Variants in HDX observed in about 807,000 individuals in gnomAD.
HDX encodes the protein highly divergent homeobox.
Under a neutral mutation model 45.2 loss-of-function variants are expected in HDX, and 19 were observed. That is an observed-to-expected ratio of 0.42 (90% CI 0.29 to 0.62). The LOEUF is 0.62. HDX is among the 20% of genes least tolerant of loss of function. HDX has a pLI of 0.20. For missense variants in HDX, 532 were observed against 493.9 expected (o/e 1.08, Z -0.73); for synonymous variants, 188 against 172.8 (o/e 1.09, Z -0.69).
chrX:84,364,077 G>A (rs1475214630), intron 5 of HDX, among the ~76,000 whole-genome samples: 1 of 111,516 alleles, frequency 9.0e-6, no homozygotes, highest in African/African-American at 3.3e-5. Context: ...CTAAGAGTTT[G>A]GTTCTTTGCT....
intron 1 of HDX, among the ~76,000 whole-genome samples, chrX:84,500,586 C>T (rs1047963469): frequency 2.7e-5 from 3 of 110,263 alleles, no homozygotes; most frequent in Non-Finnish European, 5.7e-5. Context: ...GTAACACTTG[C>T]ATTAGATTAA....
chrX:84,438,414 C>T (rs2039686227), intron 5 of HDX, among the ~76,000 whole-genome samples: 1 of 110,768 alleles, frequency 9.0e-6, no homozygotes, highest in Admixed American at 9.7e-5. Flanking sequence ...AATTTCAACT[C>T]TTATTATAAA....
At chrX:84,458,699 A>C (rs1248532313) in intron 4 of HDX, among the ~76,000 whole-genome samples, 1 of 111,501 alleles carries the variant, frequency 9.0e-6, no homozygotes, top group African/African-American at 3.3e-5. Context: ...ACACATTATT[A>C]ATGCTTATCA....
chrX:84,498,872 A>G (rs1184830803), intron 1 of HDX, among the ~76,000 whole-genome samples: 2 of 106,839 alleles, frequency 1.9e-5, no homozygotes, highest in African/African-American at 6.8e-5. Context: ...CACATCTCAG[A>G]TTCCAGAGAT....
intron 5 of HDX, among the ~76,000 whole-genome samples, chrX:84,362,069 G>A (rs773720269): frequency 2.3e-4 from 26 of 111,233 alleles, no homozygotes; most frequent in African/African-American, 8.5e-4. Context: ...CTTTTGATAA[G>A]TTAATCTAGA....
At chrX:84,400,588 T>C (rs1187491628) in intron 5 of HDX, among the ~76,000 whole-genome samples, 1 of 111,079 alleles carries the variant, frequency 9.0e-6, no homozygotes, top group Non-Finnish European at 1.9e-5. Context: ...TCTATCCTCA[T>C]GGATAGGAAT....
At position 84,361,571 on chromosome X, in the gene HDX, G is replaced by C; in HGVS notation, c.1347C>G (p.Thr449=). 8.3e-7 allele frequency: 1 copy of C among 1,201,337 alleles called. No homozygotes were observed. The highest frequency in any genetic ancestry group is 2.2e-5 in the Admixed American group (1 of 45,547). ...TGCCATTGTCCCAATACTTCTTAAGGGTGGCTAAGTCTCGGTCACTGAACT... is the reference window on the plus strand; with the variant it reads ...TGCCATTGTCCCAATACTTCTTAAGCGTGGCTAAGTCTCGGTCACTGAACT... The part of the protein sequence containing the change: ...RTQFSDRDLA[T]LKKYWDNGMT... The change falls in exon 6 of 11, where the codon ACC becomes ACG. Residue 449 remains threonine, a synonymous_variant. Transcript: ENST00000373177.
intron 5 of HDX, among the ~76,000 whole-genome samples, chrX:84,430,429 C>A (rs759130605): frequency 2.3e-4 from 26 of 110,931 alleles, no homozygotes; most frequent in Non-Finnish European, 3.8e-4. Context: ...TTGTTGTACA[C>A]CTAAGTTGAC....
intron 2 of HDX, among the ~76,000 whole-genome samples, chrX:84,480,317 A>G (rs1264841205): frequency 2.7e-5 from 3 of 111,420 alleles, no homozygotes; most frequent in Non-Finnish European, 5.7e-5. Context: ...TTGTTTTCTG[A>G]TATGCATTCT....
intron 5 of HDX, among the ~76,000 whole-genome samples, chrX:84,389,259 C>T (rs2038387212): frequency 8.9e-6 from 1 of 111,881 alleles, no homozygotes. Context: ...TCAGAGCTCC[C>T]TTCAATCACC....
intron 5 of HDX, among the ~76,000 whole-genome samples, chrX:84,420,159 C>G (rs1194028249): frequency 8.9e-6 from 1 of 111,815 alleles, no homozygotes; most frequent in Admixed American, 9.5e-5. Context: ...AATAATGCAC[C>G]AGGGACCAAT....
intron 5 of HDX, among the ~76,000 whole-genome samples, chrX:84,362,955 A>G (rs1051247448): frequency 9.0e-6 from 1 of 111,619 alleles, no homozygotes; most frequent in Non-Finnish European, 1.9e-5. Context: ...GAAAATAAAT[A>G]TATGAATTCT....
intron 4 of HDX, among the ~76,000 whole-genome samples, chrX:84,442,595 A>T (rs73508910): frequency 0.015 from 1,726 of 111,428 alleles, 31 homozygotes; most frequent in African/African-American, 0.053. Context: ...TAGGAAATTT[A>T]TTCTCAAAAA....
At chrX:84,370,850 A>AT (rs1434238999) in intron 5 of HDX, among the ~76,000 whole-genome samples, 1 of 112,512 alleles carries the variant, frequency 8.9e-6, no homozygotes, top group Non-Finnish European at 1.9e-5. Context: ...CCCTTGAAAA[A>AT]TTAACTAATC....
chrX:84,324,063 T>C (rs1341690747), intron 10 of HDX, among the ~76,000 whole-genome samples: 1 of 112,134 alleles, frequency 8.9e-6, no homozygotes, highest in Non-Finnish European at 1.9e-5. Context: ...AGCAAATGAC[T>C]AAGTATAATG....
chrX:84,403,520 T>C (rs2038752586), intron 5 of HDX, among the ~76,000 whole-genome samples: 2 of 111,698 alleles, frequency 1.8e-5, no homozygotes, highest in Admixed American at 9.6e-5. Flanking sequence ...CTGAAATCTG[T>C]GGACTGATTT....
intron 5 of HDX, among the ~76,000 whole-genome samples, chrX:84,405,633 A>T (rs2038801094): frequency 2.2e-5 from 2 of 92,210 alleles, no homozygotes; most frequent in African/African-American, 7.8e-5. Context: ...CTGTGGATCA[A>T]GAGCCTCACA....
chrX:84,492,631 C>T (rs1048727027), intron 1 of HDX, among the ~76,000 whole-genome samples: 1 of 111,635 alleles, frequency 9.0e-6, no homozygotes, highest in African/African-American at 3.3e-5. Context: ...TACTAGTTAA[C>T]ATATCATCAA....
intron 5 of HDX, among the ~76,000 whole-genome samples, chrX:84,362,527 T>G (rs2037646614): frequency 9.1e-6 from 1 of 109,957 alleles, no homozygotes. Flanking sequence ...ATATATATCC[T>G]GCAAAGCCCT....
Sources: allele counts gnomAD v4.1 joint callset (sites outside exome capture counted in the v4.1 genomes callset), GRCh38; gene constraint gnomAD v4.1.1; transcripts MANE v1.5; gene names NCBI Gene and HGNC (gene_info 2026-07-23, HGNC 2026-07-21).